Variants in UVSSA observed in about 807,000 individuals in gnomAD.
The protein encoded by UVSSA is UV stimulated scaffold protein A.
Under a neutral mutation model 73.9 loss-of-function variants are expected in UVSSA, and 72 were observed. That is an observed-to-expected ratio of 0.97 (90% CI 0.81 to 1.19). The LOEUF is 1.19. Ranked by LOEUF, UVSSA falls within the 50% of genes most tolerant of loss-of-function variation. The probability of loss-of-function intolerance (pLI) is 0.00; values close to 1 mark genes in which losing one functional copy is unlikely to be tolerated. For missense variants in UVSSA, 1,150 were observed against 965.0 expected, an observed-to-expected ratio of 1.19 and a Z score of -2.54; for synonymous variants, 454 against 391.3, an observed-to-expected ratio of 1.16 and a Z score of -1.89.
rs1244399447 is a variant in UVSSA at position 1,371,284 on chromosome 4, G to GTT, written c.1289-4079_1289-4078insTT. On this transcript the variant is annotated intron_variant, in intron 8 of 13. Coordinates refer to ENST00000389851, the MANE Select transcript of UVSSA (RefSeq NM_020894.4). ...TGTGTGTGTGTGTGTGTGTGTGTGT[G>GTT]TGTGTGTAAAATCGATGACGTGTAC... Among the ~76,000 whole-genome samples, 5 of 149,498 alleles carry GTT rather than the reference G, an allele frequency of 3.3e-5. No individual in the cohort carries two copies. In the South Asian group the frequency reaches 1.0e-3, roughly 31 times the overall value.
intron 3 of UVSSA, among the ~76,000 whole-genome samples, chr4:1,350,790 T>G (rs1012879494): frequency 6.6e-6 from 1 of 151,534 alleles, no homozygotes; most frequent in East Asian, 1.9e-4. Flanking sequence ...AAAACTACTG[T>G]GAACTTACAG....
intron 1 of UVSSA, 143 bp downstream of exon 1, chr4:1,347,903 T>A (rs1350007667): frequency 1.3e-5 from 8 of 595,530 alleles, no homozygotes; most frequent in African/African-American, 7.4e-5. Flanking sequence ...CTTTTAAAAC[T>A]GCAATCACCG....
rs529580289 is a variant in UVSSA, at chr4:1,354,799, C to G, written c.999C>G (p.Leu333=). ...TCATCCACGCCGCCCGCGACACACT[C>G]AAGCTCATCCGGAACAAGTTCCTGC... The part of the protein sequence containing the change: ...LALIHAARDT[L]KLIRNKFLPA... Residue 333 remains leucine, a synonymous_variant, in exon 6 of 14, where the codon CTC becomes CTG. Transcript: ENST00000389851. 6.2e-7 allele frequency: 1 copy of G among 1,613,610 alleles called. No individual in the cohort carries two copies. The highest frequency in any genetic ancestry group is 8.5e-7 in the Non-Finnish European group (1 of 1,179,974).
chr4:1,381,657 C>T (rs1244050899), intron 12 of UVSSA, among the ~76,000 whole-genome samples: 1 of 151,054 alleles, frequency 6.6e-6, no homozygotes, highest in Non-Finnish European at 1.5e-5. Context: ...CAGCCTCAGG[C>T]GCTCTCTCTT....
At chr4:1,383,702 G>A (rs886927295) in intron 12 of UVSSA, 64 bp from the exon 13 acceptor site, 3 of 1,599,228 alleles carry the variant, frequency 1.9e-6, no homozygotes, top group Middle Eastern at 1.7e-4. Context: ...CCTCCTGGGG[G>A]CCTCGGGTAA....
At chr4:1,345,342 AG>A, upstream of UVSSA, among the ~76,000 whole-genome samples, 1 of 152,246 alleles carries the variant, frequency 6.6e-6, no homozygotes, top group East Asian at 1.9e-4. Context: ...AGAAGGATGC[AG>A]GGCAGGCCCA....
intron 11 of UVSSA, 91 bp from the exon 12 acceptor site, chr4:1,380,789 G>A (rs779945698): frequency 8.8e-5 from 140 of 1,588,170 alleles, no homozygotes; most frequent in African/African-American, 1.1e-4. Flanking sequence ...CACCCTGGTC[G>A]CTGTTTGTGC....
chr4:1,366,326 G>A lies in UVSSA; in HGVS notation c.1183G>A (p.Ala395Thr), dbSNP rs771014179. ...PEGGERRRTEALGDAEEDEDD... is the reference protein window; with the variant it reads ...PEGGERRRTETLGDAEEDEDD... ...TTGGGGTGTTTTTCCACAGACAGAA[G>A]CCCTGGGGGATGCGGAGGAAGATGA... Residue 395 changes from alanine to threonine, a missense_variant, in exon 8 of 14, where the codon GCC (alanine) becomes ACC (threonine). Ala to Thr is a moderately conservative substitution (Grantham distance 58, BLOSUM62 0). Transcript: ENST00000389851. The A allele has an allele frequency of 7.4e-6, 12 of 1,611,982 alleles. No homozygotes were observed. In the Admixed American group the frequency reaches 2.0e-4, roughly 27 times the overall value.
chr4:1,352,246 G>A (rs950910061), intron 4 of UVSSA, among the ~76,000 whole-genome samples: 1 of 152,324 alleles, frequency 6.6e-6, no homozygotes, highest in Admixed American at 6.5e-5. Context: ...GGGGCACCAC[G>A]AGAGTGTGAG....
At chr4:1,380,272 C>G in intron 11 of UVSSA, 42 bp downstream of exon 11, 1 of 1,581,032 alleles carries the variant, frequency 6.3e-7, no homozygotes, top group Non-Finnish European at 8.6e-7. Context: ...GTGGGCTGGA[C>G]CAGGTGGGGC....
chr4:1,352,644 G>A (rs1714964055), intron 4 of UVSSA, among the ~76,000 whole-genome samples: 1 of 152,262 alleles, frequency 6.6e-6, no homozygotes, highest in South Asian at 2.1e-4. Flanking sequence ...GGGTGCTCTA[G>A]TAAGCGGTTA....
rs368934680 is a variant in UVSSA at position 1,380,086 on chromosome 4, G to A, written c.1608G>A (p.Val536=). 6.8e-6 allele frequency: 11 copies of A among 1,611,896 alleles called. No homozygotes were observed. In the Admixed American group the frequency reaches 1.2e-4, roughly 17 times the overall value. The change falls in exon 11 of 14, where the codon GTG becomes GTA. Residue 536 remains valine, a synonymous_variant. Coordinates refer to ENST00000389851, the MANE Select transcript of UVSSA (RefSeq NM_020894.4). ...ACCGCTTCTGGAAGCCCAGCGAGGT[G>A]GAGGAGGAAGTGGTCAATGCCGACA... is the stretch of plus-strand genomic sequence containing the variant. The part of the protein sequence containing the change: ...SQHRFWKPSE[V]EEEVVNADIS...
chr4:1,343,168 AGAG>A (rs1220628488), upstream of UVSSA, among the ~76,000 whole-genome samples: 2 of 152,110 alleles, frequency 1.3e-5, no homozygotes, highest in African/African-American at 2.4e-5. Flanking sequence ...TCACGGTTCT[AGAG>A]GAGATGCTGG....
At chr4:1,372,054 C>T (rs1398606505) in intron 8 of UVSSA, among the ~76,000 whole-genome samples, 2 of 152,214 alleles carry the variant, frequency 1.3e-5, no homozygotes, top group Non-Finnish European at 2.9e-5. Context: ...ATTACACCTT[C>T]AAGCATTCCT....
chr4:1,380,589 TGGG>T, intron 11 of UVSSA: 1 of 1,426,418 alleles, frequency 7.0e-7, no homozygotes, highest in Non-Finnish European at 9.3e-7. Flanking sequence ...GCCGGGCAGC[TGGG>T]CATGGTGCAG....
chr4:1,375,745 C>T (rs904672395), intron 9 of UVSSA, among the ~76,000 whole-genome samples: 82 of 152,216 alleles, frequency 5.4e-4, no homozygotes, highest in Admixed American at 5.2e-3. Flanking sequence ...CCAGACACTG[C>T]CCGTGCCTCT....
chr4:1,355,654 G>A (rs574470903), intron 7 of UVSSA, among the ~76,000 whole-genome samples: 7 of 152,210 alleles, frequency 4.6e-5, no homozygotes, highest in South Asian at 2.1e-4. Flanking sequence ...GAGGGTCAGC[G>A]CGGGCACTGG....
chr4:1,344,917 G>A (rs983067663), upstream of UVSSA, among the ~76,000 whole-genome samples: 11 of 152,166 alleles, frequency 7.2e-5, no homozygotes, highest in African/African-American at 2.4e-4. Flanking sequence ...GAAGCTTCCC[G>A]GCAGAGGGAT....
chr4:1,352,595 G>C (rs776125021), intron 4 of UVSSA, among the ~76,000 whole-genome samples: 72 of 152,368 alleles, frequency 4.7e-4, no homozygotes, highest in Non-Finnish European at 9.0e-4. Flanking sequence ...GCTACCCAGA[G>C]GTACACAGAG....
Sources: allele counts gnomAD v4.1 joint callset (sites outside exome capture counted in the v4.1 genomes callset), GRCh38; gene constraint gnomAD v4.1.1; transcripts MANE v1.5; gene names NCBI Gene and HGNC (gene_info 2026-07-23, HGNC 2026-07-21).